Variants in INTS1 observed in about 807,000 individuals in gnomAD.
INTS1 encodes integrator complex subunit 1.
In INTS1, 137 loss-of-function variants were observed where a neutral mutation model predicts 241.6. The ratio of observed to expected loss-of-function variants is 0.57; its 90% CI spans 0.49 to 0.65. The LOEUF (loss-of-function observed/expected upper bound fraction) is 0.65. Among genes scored for constraint, INTS1 ranks in the 30% least tolerant of loss-of-function variants. The pLI, the probability that INTS1 is intolerant of heterozygous loss-of-function variation, is 0.00. For missense variants in INTS1, 3,073 were observed against 3,032.2 expected (o/e 1.01, Z -0.32); for synonymous variants, 1,692 against 1,337.8 (o/e 1.26, Z -5.78).
chr7:1,476,006 AC>A lies in INTS1; in HGVS notation c.5443del (p.Val1815CysfsTer69). 1 of 1,545,612 alleles carries A rather than the reference AC, an allele frequency of 6.5e-7. No individual in the cohort carries two copies. Among genetic ancestry groups the A allele is most frequent in the Non-Finnish European group, 8.7e-7 (1 of 1,146,712 alleles). ...GTGCAGTAGGACCTCAGGCACGGGC[AC>A]CCGCAGCTCCGGCCGCTGTAGGTAG... ...QLYLQRPELR[V>X]PVPEVLLHSE... On this transcript the variant is annotated frameshift_variant, in exon 39 of 48. Transcript: ENST00000404767. LOFTEE classifies it high-confidence loss of function.
chr7:1,489,849 G>C (rs1199369405), intron 16 of INTS1, among the ~76,000 whole-genome samples, 167 bp from the exon 17 acceptor site: 1 of 152,036 alleles, frequency 6.6e-6, no homozygotes, highest in African/African-American at 2.4e-5. Flanking sequence ...CCTGGCTCTG[G>C]GCTCCCTGTC....
At position 1,473,325 on chromosome 7, in the gene INTS1, G is replaced by A. The variant is rs1210939964; in HGVS notation, c.5958-141C>T. The A allele has an allele frequency of 2.7e-5, 19 of 704,006 alleles. 2 individuals are homozygous for A. The highest frequency in any genetic ancestry group is 8.1e-5 in the East Asian group (3 of 36,892). The allele number at this position is 704,006 out of a possible 1,614,324, so 43.6% of individuals were successfully genotyped here. ...AGGACGCTCAGAGGGAGGGCCGGGC[G>A]GGGAAGCCACATGTGCGTGGAACGG... On this transcript the variant is annotated intron_variant, in intron 42 of 47. Coordinates refer to ENST00000404767, the MANE Select transcript of INTS1 (RefSeq NM_001080453.3).
intron 39 of INTS1, among the ~76,000 whole-genome samples, chr7:1,475,302 T>C (rs965327887): frequency 2.6e-5 from 4 of 152,074 alleles, no homozygotes; most frequent in African/African-American, 9.7e-5. Context: ...GGAGGCTCAC[T>C]TGAGCACAGG....
chr7:1,473,483 A>T, intron 42 of INTS1, 83 bp downstream of exon 42: 1 of 1,486,018 alleles, frequency 6.7e-7, no homozygotes, highest in South Asian at 1.2e-5. Context: ...CTGACACGAC[A>T]CGGCCTTCCC....
At position 1,483,868 on chromosome 7, in the gene INTS1, G is replaced by C. The variant is rs1298218838; in HGVS notation, c.3430-15C>G. On this transcript the variant is annotated splice_polypyrimidine_tract_variant and intron_variant, in intron 25 of 47. Coordinates refer to ENST00000404767, the MANE Select transcript of INTS1 (RefSeq NM_001080453.3). ...TGAGACTCCGACTGTGGGAAAAGAG[G>C]TGGAGTCAGGCCGTAAGGTTCAGGG... 6.2e-7 allele frequency: 1 copy of C among 1,603,644 alleles called. No individual in the cohort carries two copies. Among genetic ancestry groups the C allele is most frequent in the Admixed American group, 1.7e-5 (1 of 59,820 alleles).
chr7:1,478,681 T>C (rs2128534824), intron 32 of INTS1, 45 bp downstream of exon 32: 1 of 1,511,106 alleles, frequency 6.6e-7, no homozygotes, highest in Non-Finnish European at 8.9e-7. Flanking sequence ...AGTGAGCCCC[T>C]GTCCAGTGCC....
chr7:1,487,248 C>A, intron 20 of INTS1, 72 bp downstream of exon 20: 1 of 1,531,886 alleles, frequency 6.5e-7, no homozygotes, highest in Non-Finnish European at 8.8e-7. Flanking sequence ...CCTCTTCTGG[C>A]CACCAAGGCC....
At position 1,500,301 on chromosome 7, in the gene INTS1, C is replaced by T. The variant is rs1170059132; in HGVS notation, c.415G>A (p.Glu139Lys). 3.1e-6 allele frequency: 5 copies of T among 1,593,868 alleles called. No individual in the cohort carries two copies. Among genetic ancestry groups the T allele is most frequent in the South Asian group, 2.3e-5 (2 of 88,536 alleles). Residue 139 changes from glutamate to lysine, a missense_variant, in exon 4 of 48, where the codon GAG becomes AAG. Transcript: ENST00000404767. Reference protein sequence around the residue: ...AELEGNDDRIEGVLCGAVKQL... With the variant: ...AELEGNDDRIKGVLCGAVKQL... ...TTCACGGCCCCGCACAGCACGCCCT[C>T]GATCCTGTCATCGTTGCCCTCCAGC...
intron 16 of INTS1, 78 bp downstream of exon 16, chr7:1,492,932 G>T (rs538279770): frequency 9.9e-7 from 1 of 1,013,376 alleles, no homozygotes; most frequent in Admixed American, 1.9e-5. Flanking sequence ...GGAGCGGGGC[G>T]CGGGCTTACC....
intron 16 of INTS1, among the ~76,000 whole-genome samples, chr7:1,490,009 C>A (rs1782469654): frequency 6.6e-6 from 1 of 152,184 alleles, no homozygotes; most frequent in Non-Finnish European, 1.5e-5. Context: ...CCAGGAGCCA[C>A]CGAGATGGAA....
chr7:1,488,955 T>A (rs1280629008), intron 18 of INTS1, among the ~76,000 whole-genome samples: 1 of 152,224 alleles, frequency 6.6e-6, no homozygotes, highest in Non-Finnish European at 1.5e-5. Context: ...AAAGCCCACC[T>A]GGCCCACTGG....
chr7:1,487,182 G>A (rs1048857073), intron 20 of INTS1, 81 bp from the exon 21 acceptor site: 21 of 1,514,608 alleles, frequency 1.4e-5, no homozygotes, highest in African/African-American at 6.9e-5. Context: ...CCGCGGAGCC[G>A]GAAAGGGCGA....
chr7:1,493,704 G>A lies in INTS1; in HGVS notation c.2068+50C>T, dbSNP rs915016664. On this transcript the variant is annotated intron_variant, in intron 15 of 47. Coordinates refer to ENST00000404767, the MANE Select transcript of INTS1 (RefSeq NM_001080453.3). The surrounding 1 kb of genome is among the most constrained non-coding windows in gnomAD (Gnocchi z 5.3). Reference sequence around the variant, plus strand: ...GTGCCAGAGCCGGGGTTTCTGCAGGGACGAGGGGAGCAGACCCAGCACAGG... The same window carrying A: ...GTGCCAGAGCCGGGGTTTCTGCAGGAACGAGGGGAGCAGACCCAGCACAGG... 1 of 1,524,842 alleles carries A rather than the reference G, an allele frequency of 6.6e-7. No individual in the cohort carries two copies. The highest frequency in any genetic ancestry group is 8.8e-7 in the Non-Finnish European group (1 of 1,132,402). The allele number at this position is 1,524,842 out of a possible 1,614,324, so 94.5% of individuals were successfully genotyped here. A position where few individuals can be genotyped will look rare whatever the true frequency, so the allele number is the denominator to read the frequency against.
intron 31 of INTS1, 80 bp from the exon 32 acceptor site, chr7:1,478,965 G>T: frequency 1.4e-6 from 2 of 1,464,284 alleles, no homozygotes; most frequent in Admixed American, 4.1e-5. Context: ...AGCAGGGCCC[G>T]TGAGGCTGCT....
chr7:1,490,050 C>A (rs547756703), intron 16 of INTS1, among the ~76,000 whole-genome samples: 1 of 150,170 alleles, frequency 6.7e-6, no homozygotes, highest in African/African-American at 2.5e-5. Flanking sequence ...AATCAAAGCA[C>A]GGGCCCCTCG....
rs756730020 is a variant in INTS1, at chr7:1,499,497, G to A, written c.820C>T (p.Arg274Cys). The change falls in exon 6 of 48, where the codon CGC becomes TGC. Residue 274 changes from arginine (R) to cysteine (C), a missense_variant. Transcript: ENST00000404767. ...CCTGCACCCAGGTCGCCCGCAACGC[G>A]GCCCGCCTCCCCCTGCAGCAGCACG... ...RSVLLQGEAG[R>C]VAGDLGAGSS... The A allele has an allele frequency of 6.9e-6, 11 of 1,591,202 alleles. No individual in the cohort carries two copies. The highest frequency in any genetic ancestry group is 1.4e-5 in the African/African-American group (1 of 73,968).
chr7:1,477,555 TC>T lies in INTS1; in HGVS notation c.4932del (p.Arg1645GlyfsTer17). 9 of 1,519,232 alleles carry T rather than the reference TC, an allele frequency of 5.9e-6. No homozygotes were observed. Among genetic ancestry groups the T allele is most frequent in the Non-Finnish European group, 7.9e-6 (9 of 1,135,594 alleles). The allele number at this position is 1,519,232 out of a possible 1,614,324, so 94.1% of individuals were successfully genotyped here. On this transcript the variant is annotated frameshift_variant, in exon 35 of 48. Transcript: ENST00000404767. LOFTEE classifies it high-confidence loss of function. ...PDLQLRLLFS[R>X]RKGKGQAQVP... is the part of the protein sequence containing the mutation. ...TGAAGCTGGGTGCCACCCACCTTCC[TC>T]CGGGAGAAGAGCAGCCTGAGCTGCA... is the stretch of plus-strand genomic sequence containing the variant.
chr7:1,479,149 A>G (rs1781874098), intron 31 of INTS1, among the ~76,000 whole-genome samples: 1 of 152,238 alleles, frequency 6.6e-6, no homozygotes, highest in Non-Finnish European at 1.5e-5. Flanking sequence ...GACACCAAGT[A>G]AAACACAGTC....
At chr7:1,484,261 G>A (rs1301496653) in intron 24 of INTS1, 91 bp from the exon 25 acceptor site, 13 of 1,362,094 alleles carry the variant, frequency 9.5e-6, no homozygotes, top group Admixed American at 2.0e-5. Flanking sequence ...CGCTCTCACT[G>A]GGATCTTAAG....
Sources: allele counts gnomAD v4.1 joint callset (sites outside exome capture counted in the v4.1 genomes callset), GRCh38; gene constraint gnomAD v4.1.1; non-coding constraint Gnocchi (gnomAD v3.1); transcripts MANE v1.5; gene names NCBI Gene and HGNC (gene_info 2026-07-23, HGNC 2026-07-21).